PAX7: variants seen among roughly 807,000 people sequenced by gnomAD.
PAX7 encodes paired box 7, also known as paired box protein Pax-7.
In PAX7, 18 loss-of-function variants were observed where a neutral mutation model predicts 50.7. The ratio of observed to expected loss-of-function variants is 0.36; its 90% CI spans 0.25 to 0.53. The LOEUF (loss-of-function observed/expected upper bound fraction) is 0.53. Ranked by LOEUF, PAX7 falls within the 20% of genes least tolerant of loss-of-function variation. PAX7 has a pLI of 0.93. For missense variants in PAX7, 644 were observed against 702.9 expected, an observed-to-expected ratio of 0.92 and a Z score of 0.95; for synonymous variants, 310 against 290.4, an observed-to-expected ratio of 1.07 and a Z score of -0.69.
chr1:18,699,564 A>ATTTTTTT (rs71027390), intron 5 of PAX7, among the ~76,000 whole-genome samples: 7 of 143,754 alleles, frequency 4.9e-5, no homozygotes, highest in African/African-American at 1.5e-4. Context: ...AGCCAGACTG[A>ATTTTTTT]TTTTTTTTTT....
Position 18,687,384 on chromosome 1 carries a change from T to A in PAX7, c.587-4370T>A, listed in dbSNP as rs1570171741. Among the ~76,000 whole-genome samples, 4 of 152,264 alleles carry A rather than the reference T, an allele frequency of 2.6e-5. No homozygotes were observed. The East Asian group carries it at 7.7e-4, about 29-fold the overall frequency. ...AGGCTGCCGAGACCAGGATTCCTGA[T>A]TAGACCGGGGCTGTCCCAGAGGACC... On this transcript the variant is annotated intron_variant, in intron 4 of 8. Transcript: ENST00000420770.
Position 18,702,508 on chromosome 1 carries a change from A to T in PAX7, c.953-586A>T, listed in dbSNP as rs140409022. ...GTGTTGAGGGTCCCAGCCTCTGCAA[A>T]GCTGCACAGAAGGGCCCAGAGAGCG... On this transcript the variant is annotated intron_variant, in intron 6 of 8. Transcript: ENST00000420770. 2.0e-5 allele frequency among the ~76,000 whole-genome samples: 3 copies of T among 152,180 alleles called. No homozygotes were observed. In the East Asian group the frequency reaches 5.8e-4, roughly 29 times the overall value.
At chr1:18,682,120 G>A (rs2088910378) in intron 4 of PAX7, among the ~76,000 whole-genome samples, 1 of 152,156 alleles carries the variant, frequency 6.6e-6, no homozygotes, top group Non-Finnish European at 1.5e-5. Context: ...TTGTGAACAA[G>A]GTGAGAGTCC....
chr1:18,634,985 G>A lies in PAX7; in HGVS notation c.322-126G>A, dbSNP rs557731665. The A allele has an allele frequency of 3.4e-4, 407 of 1,198,788 alleles. No homozygotes were observed. Among genetic ancestry groups the A allele is most frequent in the Non-Finnish European group, 4.5e-4 (387 of 866,788 alleles). The allele number at this position is 1,198,788 out of a possible 1,614,324, so 74.3% of individuals were successfully genotyped here. ...AAAGGATAAAGCCAATCTCTTGGGG[G>A]ATGGGGGGACACAAGGTAACCAGAA... On this transcript the variant is annotated intron_variant, in intron 2 of 8. Transcript: ENST00000420770. This position sits in a 1 kb window ranked among gnomAD's most constrained non-coding sequence, Gnocchi z 4.0.
chr1:18,653,560 G>A (rs1245115389), intron 4 of PAX7, among the ~76,000 whole-genome samples: 2 of 152,178 alleles, frequency 1.3e-5, no homozygotes, highest in African/African-American at 4.8e-5. Context: ...GGATATGGGT[G>A]TGTAGCTGCT....
At chr1:18,641,227 T>G (rs1277383130) in intron 4 of PAX7, among the ~76,000 whole-genome samples, 1 of 152,150 alleles carries the variant, frequency 6.6e-6, no homozygotes, top group East Asian at 1.9e-4. Flanking sequence ...GAGCATAATC[T>G]AATAGAAGAC....
At chr1:18,712,579 G>A (rs1468892978) in intron 7 of PAX7, among the ~76,000 whole-genome samples, 2 of 152,224 alleles carry the variant, frequency 1.3e-5, no homozygotes, top group Non-Finnish European at 2.9e-5. Context: ...GCATGCCTAT[G>A]AGTAGGCTCT....
At chr1:18,708,708 G>A (rs17352302) in intron 7 of PAX7, among the ~76,000 whole-genome samples, 5,898 of 152,156 alleles carry the variant, frequency 0.039, 149 homozygotes, top group Middle Eastern at 0.078. Context: ...CTTAGGAGTA[G>A]TGACCACAGG....
intron 4 of PAX7, among the ~76,000 whole-genome samples, chr1:18,681,705 A>G (rs1241263914): frequency 8.0e-5 from 1 of 12,564 alleles, no homozygotes; most frequent in African/African-American, 2.8e-4. Context: ...ATTTTATTTT[A>G]TTTTATTTTA....
intron 5 of PAX7, among the ~76,000 whole-genome samples, chr1:18,697,763 A>T (rs2089167736): frequency 6.6e-6 from 1 of 152,178 alleles, no homozygotes; most frequent in South Asian, 2.1e-4. Flanking sequence ...TCTGAGAGGC[A>T]AAGTTGGAAG....
intron 4 of PAX7, among the ~76,000 whole-genome samples, chr1:18,681,167 A>T (rs1305134913): frequency 4.3e-3 from 36 of 8,328 alleles, no homozygotes; most frequent in Non-Finnish European, 8.8e-3. Flanking sequence ...AACTCCGTAA[A>T]AAAAAAAAAA....
chr1:18,639,313 T>C (rs1017206191), intron 4 of PAX7, among the ~76,000 whole-genome samples: 5 of 152,192 alleles, frequency 3.3e-5, no homozygotes, highest in African/African-American at 1.2e-4. Flanking sequence ...GCAGATTAAA[T>C]TGAGCTTTTA....
At chr1:18,715,150 C>G (rs1308117179) in intron 7 of PAX7, among the ~76,000 whole-genome samples, 1 of 152,082 alleles carries the variant, frequency 6.6e-6, no homozygotes, top group Non-Finnish European at 1.5e-5. Flanking sequence ...ACCTGCTGCT[C>G]CCTTGGCCGG....
At chr1:18,635,713 G>A (rs2088143641) in intron 3 of PAX7, among the ~76,000 whole-genome samples, 1 of 152,166 alleles carries the variant, frequency 6.6e-6, no homozygotes, top group African/African-American at 2.4e-5. Context: ...CCGTCTCAGA[G>A]TTATGATTTC....
At chr1:18,707,930 G>C (rs2089304809) in intron 7 of PAX7, among the ~76,000 whole-genome samples, 1 of 152,108 alleles carries the variant, frequency 6.6e-6, no homozygotes, top group Non-Finnish European at 1.5e-5. Flanking sequence ...CAATGACTCA[G>C]GTTAGGGACC....
At chr1:18,640,763 T>C (rs936954753) in intron 4 of PAX7, among the ~76,000 whole-genome samples, 4 of 151,468 alleles carry the variant, frequency 2.6e-5, no homozygotes, top group African/African-American at 9.7e-5. Flanking sequence ...ATTCCCGGCT[T>C]TAGGCAGCGC....
chr1:18,742,145 C>A (rs1931168968), intron 8 of PAX7, among the ~76,000 whole-genome samples: 1 of 99,758 alleles, frequency 1.0e-5, no homozygotes, highest in Admixed American at 1.0e-4. Flanking sequence ...AAGAATGAGG[C>A]TTCTTTTTTT....
chr1:18,717,259 C>A (rs1276751508), intron 7 of PAX7, among the ~76,000 whole-genome samples: 1 of 152,216 alleles, frequency 6.6e-6, no homozygotes, highest in Non-Finnish European at 1.5e-5. Context: ...GCGGAGCCGC[C>A]GCTCGCTCGT....
chr1:18,646,906 C>T (rs2088350123), intron 4 of PAX7, among the ~76,000 whole-genome samples: 2 of 147,618 alleles, frequency 1.4e-5, no homozygotes, highest in South Asian at 4.4e-4. Flanking sequence ...GGGGGAGCGG[C>T]CCGCCCGCGC....
Sources: allele counts gnomAD v4.1 joint callset (sites outside exome capture counted in the v4.1 genomes callset), GRCh38; gene constraint gnomAD v4.1.1; non-coding constraint Gnocchi (gnomAD v3.1); transcripts MANE v1.5; gene names NCBI Gene and HGNC (gene_info 2026-07-23, HGNC 2026-07-21).